The following KIRREL3 variants were observed in gnomAD, a reference collection of about 807,000 sequenced individuals.
KIRREL3 encodes kin of IRRE-like protein 3.
A neutral mutation model predicts 89.7 loss-of-function variants in KIRREL3; 36 were observed. The ratio of observed to expected loss-of-function variants is 0.40; its 90% CI spans 0.31 to 0.53. The LOEUF is 0.53. Ranked by LOEUF, KIRREL3 falls within the 20% of genes least tolerant of loss-of-function variation. KIRREL3 has a pLI of 0.49. For synonymous variants in KIRREL3, 445 were observed against 441.4 expected (o/e 1.01, Z -0.10); for missense variants, 864 against 1,056.6 (o/e 0.82, Z 2.53).
At chr11:126,483,657 G>T (rs1320013499) in intron 4 of KIRREL3, among the ~76,000 whole-genome samples, 2 of 152,146 alleles carry the variant, frequency 1.3e-5, no homozygotes, top group Non-Finnish European at 1.5e-5. Context: ...TCATCATGGG[G>T]GCCTTCCCCG....
chr11:126,512,812 G>T (rs1958267125), intron 4 of KIRREL3, among the ~76,000 whole-genome samples: 1 of 152,198 alleles, frequency 6.6e-6, no homozygotes, highest in African/African-American at 2.4e-5. Flanking sequence ...AGGGAACAAT[G>T]CCTCTCATGC....
chr11:126,437,241 G>A lies in KIRREL3; in HGVS notation c.1354-232C>T, dbSNP rs116074269. Among the ~76,000 whole-genome samples, 1,403 of 152,012 alleles carry A rather than the reference G, an allele frequency of 9.2e-3. 29 individuals carry two copies. Among genetic ancestry groups the A allele is most frequent in the African/African-American group, 0.03 (1,259 of 41,452 alleles). On this transcript the variant is annotated intron_variant, in intron 11 of 16. Coordinates refer to ENST00000525144, the MANE Select transcript of KIRREL3 (RefSeq NM_032531.4). ...CATGGGCATGCACAGCATCCCACAC[G>A]GCACCCACATGCAGGTACACGTGTG...
intron 1 of KIRREL3, among the ~76,000 whole-genome samples, chr11:126,939,372 C>T (rs1042826260): frequency 6.6e-6 from 1 of 152,178 alleles, no homozygotes; most frequent in Non-Finnish European, 1.5e-5. Context: ...TTCTCTTAAA[C>T]ATGGGGCATC....
intron 1 of KIRREL3, among the ~76,000 whole-genome samples, chr11:126,731,970 A>C (rs1948633360): frequency 6.6e-6 from 1 of 152,232 alleles, no homozygotes; most frequent in Admixed American, 6.5e-5. Flanking sequence ...CCAGCAGCAA[A>C]GAGAGAGAGA....
At position 126,569,125 on chromosome 11, in the gene KIRREL3, G is replaced by A. The variant is rs542920651; in HGVS notation, c.56-6213C>T. On this transcript the variant is annotated intron_variant, in intron 1 of 16. Transcript: ENST00000525144. The surrounding 1 kb of genome is among the most constrained non-coding windows in gnomAD (Gnocchi z 6.5). The stretch of plus-strand genomic sequence containing the variant: ...TCAAGCAGAGGAAGAGGGCAAGGAT[G>A]ACCCCAGTGTCTTTTGTGGGATATA... 6.6e-6 allele frequency among the ~76,000 whole-genome samples: 1 copy of A among 152,192 alleles called. No homozygotes were observed. The highest frequency in any genetic ancestry group is 2.1e-4 in the South Asian group (1 of 4,816).
In KIRREL3 at chr11:126,861,691, C is replaced by T. The variant is rs565949870; in HGVS notation, c.55+138764G>A. On this transcript the variant is annotated intron_variant, in intron 1 of 16. Coordinates refer to ENST00000525144, the MANE Select transcript of KIRREL3 (RefSeq NM_032531.4). ...AAAGCCCTTTGTAAATTACAGAGAG[C>T]TATGCAAATGTACGCTGGTATATTC... is the stretch of plus-strand genomic sequence containing the variant. Among the ~76,000 whole-genome samples, 143 of 152,298 alleles carry T rather than the reference C, an allele frequency of 9.4e-4. 3 individuals carry two copies. The South Asian group carries it at 0.028, about 30-fold the overall frequency.
At chr11:126,440,322 A>G in intron 11 of KIRREL3, 127 bp downstream of exon 11, 2 of 811,896 alleles carry the variant, frequency 2.5e-6, no homozygotes, top group South Asian at 1.4e-5. Context: ...CAAGGCAGGT[A>G]TAATTTTCCT....
intron 4 of KIRREL3, among the ~76,000 whole-genome samples, chr11:126,514,353 A>T (rs961967450): frequency 6.6e-6 from 1 of 152,216 alleles, no homozygotes; most frequent in African/African-American, 2.4e-5. Context: ...CTTAATAAGC[A>T]GATAAGGAAA....
chr11:126,775,809 G>C (rs1236045619), intron 1 of KIRREL3, among the ~76,000 whole-genome samples: 1 of 152,154 alleles, frequency 6.6e-6, no homozygotes, highest in Non-Finnish European at 1.5e-5. Flanking sequence ...GCTGGGGTGT[G>C]GAGCTGGGGT....
Position 126,904,752 on chromosome 11 carries a change from G to A in KIRREL3, c.55+95703C>T, listed in dbSNP as rs551534662. On this transcript the variant is annotated intron_variant, in intron 1 of 16. Coordinates refer to ENST00000525144, the MANE Select transcript of KIRREL3 (RefSeq NM_032531.4). The surrounding 1 kb of genome is among the most constrained non-coding windows in gnomAD (Gnocchi z 4.4). ...TAATGTACATATTTAATCTTGTCTC[G>A]TCTATTTTTATCCTATGTTCACTCA... 7.2e-5 allele frequency among the ~76,000 whole-genome samples: 11 copies of A among 152,232 alleles called. No homozygotes were observed. Among genetic ancestry groups the A allele is most frequent in the South Asian group, 6.2e-4 (3 of 4,832 alleles).
chr11:126,581,857 G>A (rs1228647901), intron 1 of KIRREL3, among the ~76,000 whole-genome samples: 5 of 152,138 alleles, frequency 3.3e-5, no homozygotes, highest in Admixed American at 2.0e-4. Context: ...GGCACGGAAG[G>A]GAATGGAAGG....
chr11:126,456,354 C>T lies in KIRREL3; in HGVS notation c.843G>A (p.Gln281=). 6.3e-7 allele frequency: 1 copy of T among 1,579,634 alleles called. No individual in the cohort carries two copies. Among genetic ancestry groups the T allele is most frequent in the South Asian group, 1.2e-5 (1 of 85,784 alleles). ...CCCTCAGCAGTGACTCTCACCTGTA[C>T]TGGGTGACAGCTGGGTTGGCCTTTG... is the stretch of plus-strand genomic sequence containing the variant. ...CSAKANPAVT[Q]YRWAKRGQII... Residue 281 remains glutamine, a synonymous_variant, in exon 7 of 17, where the codon CAG becomes CAA. Transcript: ENST00000525144.
intron 1 of KIRREL3, among the ~76,000 whole-genome samples, chr11:126,721,403 G>A (rs1239773484): frequency 6.6e-6 from 1 of 152,004 alleles, no homozygotes; most frequent in African/African-American, 2.4e-5. Context: ...AGTGGTGCAT[G>A]CCTATAATCC....
rs7952484 is a variant in KIRREL3 at position 126,883,952 on chromosome 11, C to T, written c.55+116503G>A. On this transcript the variant is annotated intron_variant, in intron 1 of 16. Coordinates refer to ENST00000525144, the MANE Select transcript of KIRREL3 (RefSeq NM_032531.4). The surrounding 1 kb of genome is among the most constrained non-coding windows in gnomAD (Gnocchi z 4.1). ...TTCAACAATGGAAGCTTCTCAAAGA[C>T]ATGAGCCCCCTGTTCCTGCAGGTAT... Among the ~76,000 whole-genome samples the T allele has an allele frequency of 0.62, 93,176 of 151,492 alleles. 30,151 individuals are homozygous for T. Among genetic ancestry groups the T allele is most frequent in the African/African-American group, 0.82 (33,915 of 41,302 alleles).
rs1347059946 is a variant in KIRREL3 at position 126,817,452 on chromosome 11, G to A, written c.55+183003C>T. 6.6e-6 allele frequency among the ~76,000 whole-genome samples: 1 copy of A among 152,120 alleles called. No homozygotes were observed. Among genetic ancestry groups the A allele is most frequent in the Non-Finnish European group, 1.5e-5 (1 of 68,028 alleles). On this transcript the variant is annotated intron_variant, in intron 1 of 16. Coordinates refer to ENST00000525144, the MANE Select transcript of KIRREL3 (RefSeq NM_032531.4). This position sits in a 1 kb window ranked among gnomAD's most constrained non-coding sequence, Gnocchi z 5.7. ...CTTCCTCATTGTGGGGGACAGAAGG[G>A]GATGGTTTAGCAATATCCTCAGGCT...
intron 1 of KIRREL3, among the ~76,000 whole-genome samples, chr11:126,927,647 G>A (rs1264591634): frequency 3.3e-5 from 5 of 152,204 alleles, no homozygotes; most frequent in Non-Finnish European, 7.3e-5. Context: ...GAATAGAAAA[G>A]CAACGAAGAT....
At chr11:126,618,373 G>A (rs1300221671) in intron 1 of KIRREL3, among the ~76,000 whole-genome samples, 3 of 152,168 alleles carry the variant, frequency 2.0e-5, no homozygotes, top group Admixed American at 6.5e-5. Flanking sequence ...ACGGCCTATG[G>A]AACCAGGAGC....
rs1179292296 is a variant in KIRREL3 at position 126,846,904 on chromosome 11, A to T, written c.55+153551T>A. On this transcript the variant is annotated intron_variant, in intron 1 of 16. Coordinates refer to ENST00000525144, the MANE Select transcript of KIRREL3 (RefSeq NM_032531.4). ...ATTGTGTATGTGGACATATTGGCTA[A>T]AGTTAAGGGGGTATTATACAGTTTT... is the stretch of plus-strand genomic sequence containing the variant. Among the ~76,000 whole-genome samples, 4 of 152,188 alleles carry T rather than the reference A, an allele frequency of 2.6e-5. No homozygotes were observed. The East Asian group carries it at 7.7e-4, about 29-fold the overall frequency.
intron 1 of KIRREL3, among the ~76,000 whole-genome samples, chr11:126,939,743 A>G (rs1427783685): frequency 6.6e-6 from 1 of 152,168 alleles, no homozygotes; most frequent in Non-Finnish European, 1.5e-5. Context: ...ATTTCCCTCT[A>G]TATGATTGAG....
Sources: gnomAD v4.1 joint callset for allele counts (sites outside exome capture counted in the v4.1 genomes callset) on GRCh38, gnomAD v4.1.1 for gene constraint, Gnocchi (gnomAD v3.1) non-coding constraint, MANE v1.5 for transcripts, NCBI Gene and HGNC (gene_info 2026-07-23, HGNC 2026-07-21) for gene names.